Variants in PARD3B observed in about 807,000 individuals in gnomAD.
PARD3B encodes partitioning defective 3 homolog B.
PARD3B carries 103 observed loss-of-function variants against 130.2 expected under a neutral mutation model. The ratio of observed to expected loss-of-function variants is 0.79; its 90% CI spans 0.67 to 0.93. The LOEUF (loss-of-function observed/expected upper bound fraction) is 0.93, where lower values mean the gene tolerates loss of function less well. Ranked by LOEUF, PARD3B falls within the 40% of genes least tolerant of loss-of-function variation. The pLI is 0.00. For missense variants in PARD3B, 1,609 were observed against 1,499.2 expected, an observed-to-expected ratio of 1.07 and a Z score of -1.21; for synonymous variants, 583 against 553.2, an observed-to-expected ratio of 1.05 and a Z score of -0.76.
chr2:205,136,168 A>T lies in PARD3B; in HGVS notation c.1434+10431A>T, dbSNP rs535109945. The stretch of plus-strand genomic sequence containing the variant: ...GCACTGCCCCCCACACACCAAAAAA[A>T]GGATTGTTTAACGGCTTGAAATGTT... On this transcript the variant is annotated intron_variant, in intron 10 of 22. Transcript: ENST00000406610. 1.2e-4 allele frequency among the ~76,000 whole-genome samples: 19 copies of T among 152,274 alleles called. 1 individual carries two copies. Among genetic ancestry groups the T allele is most frequent in the African/African-American group, 4.6e-4 (19 of 41,580 alleles).
intron 3 of PARD3B, among the ~76,000 whole-genome samples, chr2:205,030,862 G>T (rs529679412): frequency 1.3e-5 from 2 of 152,082 alleles, no homozygotes; most frequent in African/African-American, 4.8e-5. Flanking sequence ...CCAGAGGGGG[G>T]TCTGTTTACC....
intron 2 of PARD3B, among the ~76,000 whole-genome samples, chr2:204,824,442 C>T (rs915136887): frequency 1.3e-5 from 2 of 152,252 alleles, no homozygotes; most frequent in South Asian, 4.1e-4. Flanking sequence ...AGGAATAGCT[C>T]AGTGGCTCCT....
intron 1 of PARD3B, among the ~76,000 whole-genome samples, chr2:204,611,293 G>A (rs952220694): frequency 1.3e-5 from 2 of 152,128 alleles, no homozygotes; most frequent in Admixed American, 6.5e-5. Context: ...TACTTACTTA[G>A]AAACATCCTA....
At chr2:204,915,809 T>C (rs12991340) in intron 2 of PARD3B, among the ~76,000 whole-genome samples, 33,662 of 152,174 alleles carry the variant, frequency 0.22, 4,250 homozygotes, top group Non-Finnish European at 0.29. Flanking sequence ...TCATTGTCAC[T>C]GATGCATATT....
intron 18 of PARD3B, among the ~76,000 whole-genome samples, chr2:205,355,808 A>G (rs1025831031): frequency 1.1e-4 from 16 of 152,202 alleles, no homozygotes; most frequent in Non-Finnish European, 2.4e-4. Context: ...CAGAAAGCGA[A>G]GGGCAAGCAA....
At chr2:204,821,351 C>T (rs936550073) in intron 2 of PARD3B, among the ~76,000 whole-genome samples, 3 of 152,060 alleles carry the variant, frequency 2.0e-5, no homozygotes, top group African/African-American at 7.2e-5. Context: ...AAACATACAC[C>T]ATGGAATACT....
At chr2:205,497,071 C>T (rs370198792) in intron 20 of PARD3B, among the ~76,000 whole-genome samples, 126 of 152,070 alleles carry the variant, frequency 8.3e-4, no homozygotes, top group African/African-American at 2.9e-3. Flanking sequence ...CCTGCCTGCC[C>T]ATGGTTCAGA....
rs760768759 is a variant in PARD3B, at chr2:205,560,571, A to G, written c.3260+7168A>G. Among the ~76,000 whole-genome samples, 9 of 152,214 alleles carry G rather than the reference A, an allele frequency of 5.9e-5. No homozygotes were observed. In the South Asian group the frequency reaches 1.2e-3, roughly 21 times the overall value. ...AAATAATATCTCCCTGGAAGAAAAA[A>G]GGTGACAGTAAATTTCCTGGTGGAG... On this transcript the variant is annotated intron_variant, in intron 22 of 22. Coordinates refer to ENST00000406610, the MANE Select transcript of PARD3B (RefSeq NM_001302769.2).
rs377373381 is a variant in PARD3B, at chr2:205,176,988, C to T, written c.1924+411C>T. On this transcript the variant is annotated intron_variant, in intron 13 of 22. Transcript: ENST00000406610. This position sits in a 1 kb window ranked among gnomAD's most constrained non-coding sequence, Gnocchi z 5.3. ...CATAGCGTGATTCACAGATGATCCT[C>T]GATTCTAATATGAGTATGATAAATG... Among the ~76,000 whole-genome samples, 7 of 152,088 alleles carry T rather than the reference C, an allele frequency of 4.6e-5. No homozygotes were observed. Among genetic ancestry groups the T allele is most frequent in the East Asian group, 3.9e-4 (2 of 5,190 alleles).
At chr2:204,840,953 G>A (rs946800843) in intron 2 of PARD3B, among the ~76,000 whole-genome samples, 10 of 152,082 alleles carry the variant, frequency 6.6e-5, no homozygotes, top group African/African-American at 2.4e-4. Flanking sequence ...CCAGGGTCAG[G>A]CATCCACTAG....
rs1036267945 is a variant in PARD3B, at chr2:205,351,936, G to A, written c.2631-49077G>A. On this transcript the variant is annotated intron_variant, in intron 18 of 22. Coordinates refer to ENST00000406610, the MANE Select transcript of PARD3B (RefSeq NM_001302769.2). The surrounding 1 kb of genome is among the most constrained non-coding windows in gnomAD (Gnocchi z 4.2). ...AGCTACCTGCCTCCCAGGTACACGC[G>A]TATTGCTGAGGAAACACAACCAACA... Among the ~76,000 whole-genome samples, 2 of 152,224 alleles carry A rather than the reference G, an allele frequency of 1.3e-5. No individual in the cohort carries two copies. The highest frequency in any genetic ancestry group is 1.9e-4 in the East Asian group (1 of 5,182).
rs1024593040 is a variant in PARD3B at position 204,967,935 on chromosome 2, G to A, written c.394+2612G>A. On this transcript the variant is annotated intron_variant, in intron 3 of 22. Transcript: ENST00000406610. This position sits in a 1 kb window ranked among gnomAD's most constrained non-coding sequence, Gnocchi z 4.4. The stretch of plus-strand genomic sequence containing the variant: ...TGGGAGGGGCGGTGAGAGGAGTTTT[G>A]CAGCACCTGTGCCCCAGCAGTTCCT... 1.3e-5 allele frequency among the ~76,000 whole-genome samples: 2 copies of A among 152,074 alleles called. No homozygotes were observed. Among genetic ancestry groups the A allele is most frequent in the African/African-American group, 4.8e-5 (2 of 41,416 alleles).
chr2:205,053,539 C>G (rs1489811384), intron 4 of PARD3B, among the ~76,000 whole-genome samples: 1 of 151,648 alleles, frequency 6.6e-6, no homozygotes, highest in Non-Finnish European at 1.5e-5. Flanking sequence ...ACTTGAGAGG[C>G]TGAGGCAGGA....
intron 18 of PARD3B, among the ~76,000 whole-genome samples, chr2:205,344,037 G>C (rs749356127): frequency 6.6e-6 from 1 of 152,178 alleles, no homozygotes; most frequent in Non-Finnish European, 1.5e-5. Flanking sequence ...CAGAAAAGTG[G>C]TAGGGGGTTA....
chr2:204,668,706 TG>T (rs1488089817), intron 1 of PARD3B, among the ~76,000 whole-genome samples: 8 of 152,182 alleles, frequency 5.3e-5, no homozygotes, highest in Non-Finnish European at 2.9e-5. Flanking sequence ...TCCGTCCTTA[TG>T]GTTGGCAGAG....
chr2:204,990,861 C>T (rs572528931), intron 3 of PARD3B, among the ~76,000 whole-genome samples: 69 of 152,246 alleles, frequency 4.5e-4, no homozygotes, highest in Non-Finnish European at 8.7e-4. Flanking sequence ...TAAAAGTTTA[C>T]TTTACATAGG....
chr2:204,855,231 A>G (rs1275359340), intron 2 of PARD3B, among the ~76,000 whole-genome samples: 1 of 152,258 alleles, frequency 6.6e-6, no homozygotes, highest in Non-Finnish European at 1.5e-5. Flanking sequence ...TGTATTTTAC[A>G]TGATCACATG....
chr2:204,774,399 G>A (rs1490443742), intron 2 of PARD3B, among the ~76,000 whole-genome samples: 1 of 152,020 alleles, frequency 6.6e-6, no homozygotes, highest in African/African-American at 2.4e-5. Flanking sequence ...AACTAAGGCT[G>A]AACAGGCGTA....
chr2:205,106,041 G>T (rs992978794), intron 5 of PARD3B, among the ~76,000 whole-genome samples: 5 of 151,946 alleles, frequency 3.3e-5, no homozygotes, highest in African/African-American at 1.2e-4. Flanking sequence ...CATTAGTTTG[G>T]TTTATGGCTG....
Sources: gnomAD v4.1 joint callset for allele counts (sites outside exome capture counted in the v4.1 genomes callset) on GRCh38, gnomAD v4.1.1 for gene constraint, Gnocchi (gnomAD v3.1) non-coding constraint, MANE v1.5 for transcripts, NCBI Gene and HGNC (gene_info 2026-07-23, HGNC 2026-07-21) for gene names.